RRAS2: variants seen among roughly 807,000 people sequenced by gnomAD.
RRAS2 encodes the protein RAS related 2.
A neutral mutation model predicts 27.6 loss-of-function variants in RRAS2; 7 were observed. That is an observed-to-expected ratio of 0.25 (90% CI 0.14 to 0.48). RRAS2 has a LOEUF of 0.48. RRAS2 is among the 20% of genes least tolerant of loss of function. The pLI, the probability that RRAS2 is intolerant of heterozygous loss-of-function variation, is 0.99. For synonymous variants in RRAS2, 86 were observed against 90.9 expected (o/e 0.95, Z 0.31); for missense variants, 178 against 256.2 (o/e 0.69, Z 2.08).
intron 1 of RRAS2, among the ~76,000 whole-genome samples, chr11:14,315,092 T>C (rs1388296957): frequency 6.6e-6 from 1 of 152,218 alleles, no homozygotes; most frequent in Non-Finnish European, 1.5e-5. Context: ...CTCTACTATT[T>C]AAATGTTTAT....
At chr11:14,299,042 A>C (rs1847629104) in intron 1 of RRAS2, among the ~76,000 whole-genome samples, 1 of 152,222 alleles carries the variant, frequency 6.6e-6, no homozygotes, top group African/African-American at 2.4e-5. Flanking sequence ...TACATGTCTA[A>C]TCTTCAGCAT....
chr11:14,327,533 C>T (rs1380629715), intron 1 of RRAS2, among the ~76,000 whole-genome samples: 3 of 152,176 alleles, frequency 2.0e-5, no homozygotes, highest in African/African-American at 7.2e-5. Context: ...CACAAAATTG[C>T]CTTTTAATTT....
At chr11:14,345,667 A>G (rs1347053491) in intron 1 of RRAS2, among the ~76,000 whole-genome samples, 1 of 152,234 alleles carries the variant, frequency 6.6e-6, no homozygotes, top group Non-Finnish European at 1.5e-5. Context: ...TAAAAACTTG[A>G]AAACTATCCC....
intron 1 of RRAS2, among the ~76,000 whole-genome samples, chr11:14,296,828 AG>A (rs1178667463): frequency 2.0e-5 from 3 of 151,470 alleles, no homozygotes; most frequent in Admixed American, 6.6e-5. Context: ...CATAAAAAAA[AG>A]GGGGGGGACA....
rs1391326999 is a variant in RRAS2, at chr11:14,302,064, C to CCACACACACACA, written c.109-6210_109-6209insTGTGTGTGTGTG. On this transcript the variant is annotated intron_variant, in intron 1 of 5. Coordinates refer to ENST00000256196, the MANE Select transcript of RRAS2 (RefSeq NM_012250.6). Reference sequence around the variant, plus strand: ...GCCTATAAAACAAGGAGTAAATGTACCACACACATACACACACACACACAC... The same window carrying CCACACACACACA: ...GCCTATAAAACAAGGAGTAAATGTACCACACACACACACACACACATACACACACACACACAC... 4.4e-3 allele frequency among the ~76,000 whole-genome samples: 227 copies of CCACACACACACA among 51,744 alleles called. 2 individuals are homozygous for CCACACACACACA. The highest frequency in any genetic ancestry group is 5.3e-3 in the Non-Finnish European group (131 of 24,790). 33.9% of individuals were successfully genotyped at this position (51,744 alleles called of 152,430 possible). A position where few individuals can be genotyped will look rare whatever the true frequency, so the allele number is the denominator to read the frequency against.
chr11:14,361,350 T>C (rs1849189180), upstream of RRAS2, among the ~76,000 whole-genome samples: 1 of 151,996 alleles, frequency 6.6e-6, no homozygotes, highest in Non-Finnish European at 1.5e-5. Context: ...CCGACCCTTA[T>C]TGAATACTTG....
chr11:14,313,258 T>A (rs1261180120), intron 1 of RRAS2, among the ~76,000 whole-genome samples: 2 of 152,230 alleles, frequency 1.3e-5, no homozygotes. Flanking sequence ...TTATAGCTTG[T>A]CTGTATGTGC....
At chr11:14,287,395 C>T (rs1431868325) in intron 4 of RRAS2, among the ~76,000 whole-genome samples, 2 of 152,060 alleles carry the variant, frequency 1.3e-5, no homozygotes, top group Non-Finnish European at 2.9e-5. Context: ...TAAAAGAAAT[C>T]TCAATAAACT....
At chr11:14,302,109 C>CACACACACACACACACACACACAT (rs1415452446) in intron 1 of RRAS2, among the ~76,000 whole-genome samples, 4 of 138,908 alleles carry the variant, frequency 2.9e-5, no homozygotes, top group Non-Finnish European at 6.4e-5. Flanking sequence ...CACACACACA[C>CACACACACACACACACACACACAT]ACCAAAAACC....
At chr11:14,318,434 C>T (rs562658369) in intron 1 of RRAS2, among the ~76,000 whole-genome samples, 1 of 152,044 alleles carries the variant, frequency 6.6e-6, no homozygotes, top group African/African-American at 2.4e-5. Context: ...ACCTGAGAGG[C>T]AGAGGTTGCA....
At position 14,281,606 on chromosome 11, in the gene RRAS2, T is replaced by C. The variant is rs1241753346; in HGVS notation, c.523A>G (p.Ile175Val). 1.9e-6 allele frequency: 3 copies of C among 1,598,418 alleles called. No homozygotes were observed. The highest frequency in any genetic ancestry group is 1.7e-6 in the Non-Finnish European group (2 of 1,174,760). The change falls in exon 5 of 6, where the codon ATC (isoleucine) becomes GTC (valine). Residue 175 changes from isoleucine to valine, a missense_variant. Coordinates refer to ENST00000256196, the MANE Select transcript of RRAS2 (RefSeq NM_012250.6). ...TCTAGAATGTGTTTTGCTTACCTGA[T>C]AACCCGGACAAGTTCATGGAAAGCT... Reference protein sequence around the residue: ...DQAFHELVRVIRKFQEQECPP... With the variant: ...DQAFHELVRVVRKFQEQECPP...
chr11:14,304,738 A>G (rs1318129717), intron 1 of RRAS2, among the ~76,000 whole-genome samples: 1 of 152,240 alleles, frequency 6.6e-6, no homozygotes, highest in Non-Finnish European at 1.5e-5. Flanking sequence ...TTCTAAAACA[A>G]GAGCAGAGCA....
At chr11:14,290,539 G>C in intron 4 of RRAS2, among the ~76,000 whole-genome samples, 1 of 152,200 alleles carries the variant, frequency 6.6e-6, no homozygotes, top group Non-Finnish European at 1.5e-5. Context: ...CTAAGGGTGG[G>C]AGATAAGGCA....
At chr11:14,290,251 C>T (rs189199419) in intron 4 of RRAS2, among the ~76,000 whole-genome samples, 14 of 152,268 alleles carry the variant, frequency 9.2e-5, no homozygotes, top group African/African-American at 3.4e-4. Flanking sequence ...AGTTTGAGAC[C>T]AGCCTGGCCA....
intron 1 of RRAS2, among the ~76,000 whole-genome samples, chr11:14,328,158 A>G (rs1554951314): frequency 6.6e-6 from 1 of 152,152 alleles, no homozygotes. Context: ...ACCTGAGGTC[A>G]GGAGTTCGAG....
intron 1 of RRAS2, among the ~76,000 whole-genome samples, chr11:14,351,475 C>G (rs1465015372): frequency 2.0e-5 from 3 of 152,120 alleles, no homozygotes; most frequent in Non-Finnish European, 2.9e-5. Flanking sequence ...ACCTGTAATC[C>G]TAGCATTTTG....
At chr11:14,343,387 AAATTTG>A (rs1160248447) in intron 1 of RRAS2, among the ~76,000 whole-genome samples, 1 of 152,258 alleles carries the variant, frequency 6.6e-6, no homozygotes, top group Admixed American at 6.5e-5. Context: ...CTCAAAACTT[AAATTTG>A]AATTACTAAT....
upstream of RRAS2, among the ~76,000 whole-genome samples, chr11:14,359,587 G>C (rs1849161369): frequency 6.6e-6 from 1 of 152,244 alleles, no homozygotes; most frequent in African/African-American, 2.4e-5. Flanking sequence ...CTGTGTCACA[G>C]TAATTGAGTG....
chr11:14,292,101 A>G (rs1320236334), intron 4 of RRAS2, among the ~76,000 whole-genome samples: 1 of 152,322 alleles, frequency 6.6e-6, no homozygotes, highest in Non-Finnish European at 1.5e-5. Flanking sequence ...GGCTCTCAAA[A>G]AGTTTCAGAT....
Sources: gnomAD v4.1 joint callset for allele counts (sites outside exome capture counted in the v4.1 genomes callset) on GRCh38, gnomAD v4.1.1 for gene constraint, MANE v1.5 for transcripts, NCBI Gene and HGNC (gene_info 2026-07-23, HGNC 2026-07-21) for gene names.